The following FRMD4B variants were observed in gnomAD, a reference collection of about 807,000 sequenced individuals.
FRMD4B encodes the protein FERM domain-containing protein 4B.
Under a neutral mutation model 141.5 loss-of-function variants are expected in FRMD4B, and 74 were observed. The ratio of observed to expected loss-of-function variants is 0.52; its 90% CI spans 0.43 to 0.63. FRMD4B has a LOEUF of 0.63. Ranked by LOEUF, FRMD4B falls within the 30% of genes least tolerant of loss-of-function variation. The pLI is 0.00. For missense variants in FRMD4B, 1,366 were observed against 1,253.4 expected (o/e 1.09, Z -1.36); for synonymous variants, 506 against 467.9 (o/e 1.08, Z -1.05).
At chr3:69,295,817 CTTTCTTTT>C (rs1433139488) in intron 4 of FRMD4B, among the ~76,000 whole-genome samples, 3 of 151,442 alleles carry the variant, frequency 2.0e-5, no homozygotes, top group Non-Finnish European at 4.4e-5. Context: ...TGGTTTCTTT[CTTTCTTTT>C]TTTCTTTTGG....
chr3:69,211,584 C>T (rs1327689782), intron 11 of FRMD4B, among the ~76,000 whole-genome samples: 1 of 152,188 alleles, frequency 6.6e-6, no homozygotes, highest in Admixed American at 6.5e-5. Flanking sequence ...TTCAAAACAG[C>T]CTTTCGGCAT....
chr3:69,200,812 C>T (rs1255754094), intron 11 of FRMD4B: 1 of 543,034 alleles, frequency 1.8e-6, no homozygotes, highest in Non-Finnish European at 3.3e-6. Context: ...GTTTACTCAC[C>T]CTGGACATGA....
At chr3:69,381,256 T>C (rs1327351158) in intron 1 of FRMD4B, among the ~76,000 whole-genome samples, 1 of 152,248 alleles carries the variant, frequency 6.6e-6, no homozygotes, top group Non-Finnish European at 1.5e-5. Context: ...TATCTAGAAA[T>C]GGAAGAAGTG....
At chr3:69,353,659 G>A (rs1193676251) in intron 1 of FRMD4B, 1 of 984,648 alleles carries the variant, frequency 1.0e-6, no homozygotes, top group Non-Finnish European at 1.2e-6. Context: ...GCGTGTGTGT[G>A]CGCGCATGTG....
intron 1 of FRMD4B, among the ~76,000 whole-genome samples, chr3:69,490,231 G>A (rs771889706): frequency 6.6e-6 from 1 of 152,054 alleles, no homozygotes; most frequent in Non-Finnish European, 1.5e-5. Flanking sequence ...ATGAGATGAT[G>A]GTTTATAAAT....
At chr3:69,237,770 A>G (rs143607837) in intron 7 of FRMD4B, among the ~76,000 whole-genome samples, 3 of 152,316 alleles carry the variant, frequency 2.0e-5, no homozygotes, top group East Asian at 3.9e-4. Flanking sequence ...TCGCTCTGTC[A>G]TCCAGGCTAG....
At chr3:69,344,897 C>A (rs1330064923) in intron 1 of FRMD4B, among the ~76,000 whole-genome samples, 4 of 152,198 alleles carry the variant, frequency 2.6e-5, no homozygotes, top group Non-Finnish European at 4.4e-5. Flanking sequence ...CAGTCTATAG[C>A]TCCCAGCTTG....
At chr3:69,452,232 G>A (rs1467475823) in intron 1 of FRMD4B, among the ~76,000 whole-genome samples, 5 of 152,180 alleles carry the variant, frequency 3.3e-5, no homozygotes, top group Non-Finnish European at 5.9e-5. Flanking sequence ...AAGTCTACTG[G>A]GAAAGCTGGA....
In FRMD4B at chr3:69,196,895, C is replaced by T; in HGVS notation, c.1092+5G>A. 6.2e-7 allele frequency: 1 copy of T among 1,606,370 alleles called. No homozygotes were observed. Among genetic ancestry groups the T allele is most frequent in the Non-Finnish European group, 8.5e-7 (1 of 1,173,740 alleles). On this transcript the variant is annotated splice_donor_5th_base_variant and intron_variant, in intron 13 of 22. Transcript: ENST00000398540. Reference sequence around the variant, plus strand: ...GTCCCTATAGAAATGATGCCAGTTACTTACTTTGCTTTGCTTCCGGTCCAA... The same window carrying T: ...GTCCCTATAGAAATGATGCCAGTTATTTACTTTGCTTTGCTTCCGGTCCAA...
rs1325087025 is a variant in FRMD4B, at chr3:69,171,986, T to C, written c.2985-5A>G. On this transcript the variant is annotated splice_polypyrimidine_tract_variant and splice_region_variant and intron_variant, in intron 22 of 22. Coordinates refer to ENST00000398540, the MANE Select transcript of FRMD4B (RefSeq NM_015123.3). ...TGACTGATTTCTGTGTATTGTCTAT[T>C]AAAGAAAACCAGAAAAGTTACTACT... 1 of 1,612,744 alleles carries C rather than the reference T, an allele frequency of 6.2e-7. No homozygotes were observed. Among genetic ancestry groups the C allele is most frequent in the African/African-American group, 1.3e-5 (1 of 74,908 alleles).
chr3:69,455,783 CTTTAACTGTGTTAATAAATTT>C (rs1333871952), intron 1 of FRMD4B, among the ~76,000 whole-genome samples: 2 of 152,164 alleles, frequency 1.3e-5, no homozygotes. Flanking sequence ...TTTTTAATGT[CTTTAACTGTGTTAATAAATTT>C]TTAAACATTG....
chr3:69,464,807 AC>A (rs1705757056), intron 1 of FRMD4B, among the ~76,000 whole-genome samples: 1 of 152,190 alleles, frequency 6.6e-6, no homozygotes, highest in Admixed American at 6.5e-5. Flanking sequence ...CGATCCAACT[AC>A]CAACAAGCAT....
intron 5 of FRMD4B, among the ~76,000 whole-genome samples, chr3:69,254,735 A>ACT (rs765906763): frequency 1.1e-4 from 17 of 152,162 alleles, no homozygotes; most frequent in Non-Finnish European, 1.6e-4. Context: ...CAGTGTAAAT[A>ACT]CTCCCACCAT....
At chr3:69,199,457 G>A (rs9875511) in intron 11 of FRMD4B, among the ~76,000 whole-genome samples, 120,030 of 152,222 alleles carry the variant, frequency 0.79, 50,955 homozygotes, top group Non-Finnish European at 0.94. Flanking sequence ...GATATTCAAA[G>A]GGATATTTCA....
At position 69,181,012 on chromosome 3, in the gene FRMD4B, C is replaced by G. The variant is rs757455228; in HGVS notation, c.2738G>C (p.Gly913Ala). Residue 913 changes from glycine (G) to alanine (A), a missense_variant, in exon 21 of 23, where the codon GGA (glycine) becomes GCA (alanine). Coordinates refer to ENST00000398540, the MANE Select transcript of FRMD4B (RefSeq NM_015123.3). ...YQRASGQKDQ[G>A]HSPQTSFDSD... ...GTCAAAGCTGGTCTGCGGGCTGTGT[C>G]CCTGATCCTTCTGCCCAGAGGCCCG... 3.7e-6 allele frequency: 6 copies of G among 1,614,008 alleles called. No individual in the cohort carries two copies. The highest frequency in any genetic ancestry group is 5.1e-6 in the Non-Finnish European group (6 of 1,179,878).
intron 1 of FRMD4B, chr3:69,353,514 T>C (rs1230676616): frequency 5.3e-5 from 49 of 926,856 alleles, no homozygotes; most frequent in Admixed American, 3.7e-4. Flanking sequence ...AGTCTGCAAC[T>C]GGAAGATCAT....
At chr3:69,279,149 C>T (rs2106987219) in intron 5 of FRMD4B, among the ~76,000 whole-genome samples, 1 of 152,200 alleles carries the variant, frequency 6.6e-6, no homozygotes, top group South Asian at 2.1e-4. Flanking sequence ...GACTTTTAGG[C>T]CACAGGAAGG....
rs4361282 is a variant in FRMD4B at position 69,250,082 on chromosome 3, C to T, written c.519G>A (p.Glu173=). 1 of 1,609,270 alleles carries T rather than the reference C, an allele frequency of 6.2e-7. No homozygotes were observed. Among genetic ancestry groups the T allele is most frequent in the Non-Finnish European group, 8.5e-7 (1 of 1,175,788 alleles). Residue 173 remains glutamate, a synonymous_variant, in exon 6 of 23, where the codon GAG becomes GAA. Coordinates refer to ENST00000398540, the MANE Select transcript of FRMD4B (RefSeq NM_015123.3). Reference sequence around the variant, plus strand: ...CTGCTAACTTGAAGATGGTTTCGCTCTCTACTTCGATTTGCCCCTGTTGAT... The same window carrying T: ...CTGCTAACTTGAAGATGGTTTCGCTTTCTACTTCGATTTGCCCCTGTTGAT... ...ACVHKGQIEV[E]SETIFKLAAF...
At chr3:69,355,996 G>A (rs899313052) in intron 1 of FRMD4B, among the ~76,000 whole-genome samples, 2 of 151,820 alleles carry the variant, frequency 1.3e-5, no homozygotes, top group African/African-American at 2.4e-5. Flanking sequence ...CTGCACTCCA[G>A]CCTGGGTGAC....
Sources: allele counts gnomAD v4.1 joint callset (sites outside exome capture counted in the v4.1 genomes callset), GRCh38; gene constraint gnomAD v4.1.1; transcripts MANE v1.5; gene names NCBI Gene and HGNC (gene_info 2026-07-23, HGNC 2026-07-21).